Variants in NOCT observed in about 807,000 individuals in gnomAD.
NOCT encodes nocturnin.
A neutral mutation model predicts 35.0 loss-of-function variants in NOCT; 18 were observed. The ratio of observed to expected loss-of-function variants is 0.51; its 90% confidence interval spans 0.36 to 0.76. The LOEUF is 0.76. Among genes scored for constraint, NOCT ranks in the 30% least tolerant of loss-of-function variants. NOCT has a pLI of 0.01. For synonymous variants in NOCT, 235 were observed against 226.3 expected, an observed-to-expected ratio of 1.04 and a Z score of -0.34; for missense variants, 479 against 541.0, an observed-to-expected ratio of 0.89 and a Z score of 1.14.
chr4:139,016,617 T>C (rs1726309369), intron 1 of NOCT, among the ~76,000 whole-genome samples: 2 of 149,622 alleles, frequency 1.3e-5, no homozygotes, highest in South Asian at 4.2e-4. Context: ...GTCGTGATAA[T>C]AACACATTGA....
chr4:139,031,371 G>C (rs568303679), intron 1 of NOCT, among the ~76,000 whole-genome samples: 3 of 152,052 alleles, frequency 2.0e-5, no homozygotes, highest in Admixed American at 6.5e-5. Flanking sequence ...GGATGGTCTC[G>C]ATCTCCTGAC....
intron 1 of NOCT, among the ~76,000 whole-genome samples, chr4:139,034,943 C>T (rs543402951): frequency 7.9e-5 from 12 of 152,308 alleles, no homozygotes; most frequent in Admixed American, 4.6e-4. Flanking sequence ...TCTCCTTTCT[C>T]TCTAACTCAA....
chr4:139,020,012 A>T (rs1398773891), intron 1 of NOCT, among the ~76,000 whole-genome samples: 1 of 152,212 alleles, frequency 6.6e-6, no homozygotes, highest in Non-Finnish European at 1.5e-5. Flanking sequence ...ATGTGAGTAA[A>T]CTGCTTATGA....
At chr4:139,021,778 T>TG (rs397826020) in intron 1 of NOCT, among the ~76,000 whole-genome samples, 2 of 151,206 alleles carry the variant, frequency 1.3e-5, no homozygotes, top group South Asian at 4.2e-4. Context: ...TTTTTTTTTT[T>TG]AGACAGTTTT....
intron 1 of NOCT, among the ~76,000 whole-genome samples, chr4:139,033,235 T>C (rs918549589): frequency 1.3e-5 from 2 of 150,406 alleles, no homozygotes; most frequent in Admixed American, 6.6e-5. Context: ...TGTGGTGGTG[T>C]GTGACATAAT....
chr4:139,024,840 G>A (rs1019195685), intron 1 of NOCT, among the ~76,000 whole-genome samples: 1 of 152,214 alleles, frequency 6.6e-6, no homozygotes, highest in East Asian at 1.9e-4. Context: ...CTGAGCTCAA[G>A]TGATCGGCCC....
At chr4:139,030,910 G>A (rs188657593) in intron 1 of NOCT, among the ~76,000 whole-genome samples, 1 of 152,270 alleles carries the variant, frequency 6.6e-6, no homozygotes. Context: ...AGGTTTCCTC[G>A]GGCGGAGGTT....
At chr4:139,021,515 A>AG (rs1726413318) in intron 1 of NOCT, among the ~76,000 whole-genome samples, 1 of 151,496 alleles carries the variant, frequency 6.6e-6, no homozygotes, top group South Asian at 2.1e-4. Context: ...CTACTCTCAA[A>AG]GAAAAAAAAA....
chr4:139,033,918 C>G (rs961026416), intron 1 of NOCT, among the ~76,000 whole-genome samples: 15 of 152,014 alleles, frequency 9.9e-5, no homozygotes, highest in Non-Finnish European at 2.1e-4. Context: ...AGATACGGAT[C>G]TCTCTGTGTT....
At chr4:139,025,279 C>G (rs1257931106) in intron 1 of NOCT, among the ~76,000 whole-genome samples, 1 of 152,124 alleles carries the variant, frequency 6.6e-6, no homozygotes, top group Non-Finnish European at 1.5e-5. Context: ...AACGAATTGC[C>G]CTAACAGTTA....
chr4:139,035,978 C>T (rs1004075891), intron 1 of NOCT, among the ~76,000 whole-genome samples: 3 of 152,138 alleles, frequency 2.0e-5, no homozygotes, highest in African/African-American at 7.2e-5. Flanking sequence ...CATCTTTTGG[C>T]GAGGCCTCCT....
At chr4:139,038,018 A>G (rs1241577772) in intron 1 of NOCT, among the ~76,000 whole-genome samples, 2 of 152,140 alleles carry the variant, frequency 1.3e-5, no homozygotes, top group African/African-American at 2.4e-5. Flanking sequence ...CCTGGCCAAC[A>G]TGGTGAAACT....
At chr4:139,028,593 G>A (rs531387739) in intron 1 of NOCT, among the ~76,000 whole-genome samples, 52 of 152,354 alleles carry the variant, frequency 3.4e-4, no homozygotes, top group African/African-American at 1.2e-3. Context: ...GCTGCTGTGT[G>A]CGCCTGGGGC....
intron 1 of NOCT, among the ~76,000 whole-genome samples, chr4:139,023,608 GC>G (rs1378404893): frequency 6.6e-6 from 1 of 152,110 alleles, no homozygotes; most frequent in Non-Finnish European, 1.5e-5. Flanking sequence ...CGATTCTCCT[GC>G]CTCAGCCTCC....
At chr4:139,044,450 T>C (rs1174984958) in intron 2 of NOCT, among the ~76,000 whole-genome samples, 189 bp from the exon 3 acceptor site, 2 of 152,196 alleles carry the variant, frequency 1.3e-5, no homozygotes, top group South Asian at 4.1e-4. Flanking sequence ...AAAAGATCTG[T>C]TGTTTGCTTC....
intron 1 of NOCT, among the ~76,000 whole-genome samples, chr4:139,031,013 A>G (rs1157169527): frequency 1.3e-5 from 2 of 152,178 alleles, no homozygotes; most frequent in Non-Finnish European, 2.9e-5. Context: ...CACCGTTTCA[A>G]GATACTAAAC....
At chr4:139,031,874 G>A (rs539934558) in intron 1 of NOCT, among the ~76,000 whole-genome samples, 22 of 151,948 alleles carry the variant, frequency 1.4e-4, no homozygotes, top group African/African-American at 3.4e-4. Flanking sequence ...CACCACGCCC[G>A]GCTAATTTTT....
Position 139,024,421 on chromosome 4 carries a change from G to A in NOCT, c.190+8250G>A, listed in dbSNP as rs75247865. ...ATTTTCTGAAAATTTTTGTTCTGCA[G>A]TCATTTTAAATTCCTAGACATTTCT... On this transcript the variant is annotated intron_variant, in intron 1 of 2. Transcript: ENST00000280614. Among the ~76,000 whole-genome samples the A allele has an allele frequency of 9.5e-3, 1,444 of 152,224 alleles. 23 individuals carry two copies. Among genetic ancestry groups the A allele is most frequent in the African/African-American group, 0.033 (1,373 of 41,530 alleles).
intron 1 of NOCT, among the ~76,000 whole-genome samples, chr4:139,029,487 G>A (rs867312593): frequency 6.6e-5 from 10 of 152,312 alleles, no homozygotes; most frequent in Middle Eastern, 3.4e-3. Context: ...CTCAGTACTC[G>A]AGGCAGGCCT....
Sources: gnomAD v4.1 joint callset for allele counts (sites outside exome capture counted in the v4.1 genomes callset) on GRCh38, gnomAD v4.1.1 for gene constraint, MANE v1.5 for transcripts, NCBI Gene and HGNC (gene_info 2026-07-23, HGNC 2026-07-21) for gene names.